LMX1A: variants seen among roughly 807,000 people sequenced by gnomAD.
LMX1A encodes LIM homeobox transcription factor 1 alpha, also known as LIM homeobox transcription factor 1-alpha.
Under a neutral mutation model 49.1 loss-of-function variants are expected in LMX1A, and 15 were observed. That is an observed-to-expected ratio of 0.31 (90% CI 0.20 to 0.47). The LOEUF is 0.47. Among genes scored for constraint, LMX1A ranks in the 20% least tolerant of loss-of-function variants. The pLI is 1.00. For synonymous variants in LMX1A, 167 were observed against 185.7 expected (o/e 0.90, Z 0.82); for missense variants, 372 against 475.8 (o/e 0.78, Z 2.03).
intron 3 of LMX1A, among the ~76,000 whole-genome samples, chr1:165,303,251 C>A (rs1253794310): frequency 1.3e-5 from 2 of 152,194 alleles, no homozygotes; most frequent in Non-Finnish European, 2.9e-5. Flanking sequence ...GCTCCTGAAC[C>A]TTAAGGTAAA....
intron 4 of LMX1A, among the ~76,000 whole-genome samples, chr1:165,248,365 T>C (rs528452373): frequency 9.9e-5 from 15 of 152,186 alleles, no homozygotes; most frequent in Admixed American, 3.3e-4. Context: ...GGCTTGGAAA[T>C]GGACTAGAAT....
At chr1:165,305,418 G>A (rs1229618108) in intron 3 of LMX1A, among the ~76,000 whole-genome samples, 3 of 152,198 alleles carry the variant, frequency 2.0e-5, no homozygotes, top group Non-Finnish European at 4.4e-5. Context: ...AAGCAAGCGT[G>A]AGAGGGAACA....
At chr1:165,209,151 C>T (rs1347716799) in intron 6 of LMX1A, among the ~76,000 whole-genome samples, 2 of 152,178 alleles carry the variant, frequency 1.3e-5, no homozygotes, top group Non-Finnish European at 2.9e-5. Context: ...GGCTATAGGG[C>T]CTCTGCAACT....
chr1:165,284,719 A>G (rs905303858), intron 3 of LMX1A, among the ~76,000 whole-genome samples: 1 of 152,252 alleles, frequency 6.6e-6, no homozygotes, highest in Non-Finnish European at 1.5e-5. Context: ...GAGCGCAAGC[A>G]GGTTTGCCAA....
intron 3 of LMX1A, among the ~76,000 whole-genome samples, chr1:165,301,112 A>C (rs574376575): frequency 5.3e-5 from 8 of 152,318 alleles, no homozygotes; most frequent in African/African-American, 1.9e-4. Flanking sequence ...GACCGGCTTA[A>C]CACAATTCCA....
chr1:165,259,997 C>T (rs1250908918), intron 3 of LMX1A, among the ~76,000 whole-genome samples: 1 of 152,204 alleles, frequency 6.6e-6, no homozygotes, highest in Non-Finnish European at 1.5e-5. Context: ...ATTTCAATAA[C>T]TCAAGCCAAG....
intron 4 of LMX1A, among the ~76,000 whole-genome samples, chr1:165,248,204 G>C (rs190276100): frequency 6.6e-6 from 1 of 152,318 alleles, no homozygotes; most frequent in African/African-American, 2.4e-5. Flanking sequence ...AAGAGAGAGG[G>C]AAAGAGGCTG....
intron 3 of LMX1A, among the ~76,000 whole-genome samples, chr1:165,306,273 C>T (rs77652010): frequency 0.023 from 3,433 of 152,290 alleles, 63 homozygotes; most frequent in Non-Finnish European, 0.033. Context: ...TGTTGCCCCT[C>T]CCTTTGGATA....
intron 3 of LMX1A, among the ~76,000 whole-genome samples, chr1:165,326,007 G>T (rs147512028): frequency 1.6e-5 from 1 of 64,414 alleles, no homozygotes; most frequent in African/African-American, 3.8e-5. Context: ...TCCCAGGGGG[G>T]CTCCCCGGCA....
intron 4 of LMX1A, among the ~76,000 whole-genome samples, chr1:165,224,641 G>A (rs1651971476): frequency 6.6e-6 from 1 of 152,148 alleles, no homozygotes; most frequent in African/African-American, 2.4e-5. Flanking sequence ...GAGTGCTCAG[G>A]AGATTAATAA....
intron 4 of LMX1A, among the ~76,000 whole-genome samples, chr1:165,241,129 C>T (rs1255010794): frequency 6.6e-6 from 1 of 152,140 alleles, no homozygotes; most frequent in Non-Finnish European, 1.5e-5. Flanking sequence ...CAGAGAGTGC[C>T]TCTGAGACAC....
chr1:165,260,949 G>A (rs1036489421), intron 3 of LMX1A, among the ~76,000 whole-genome samples: 1 of 152,130 alleles, frequency 6.6e-6, no homozygotes, highest in African/African-American at 2.4e-5. Context: ...AAACATCTTA[G>A]CTCTGAAATA....
At chr1:165,345,707 G>A (rs1365220145) in intron 3 of LMX1A, among the ~76,000 whole-genome samples, 1 of 152,178 alleles carries the variant, frequency 6.6e-6, no homozygotes, top group Non-Finnish European at 1.5e-5. Context: ...CCAACTGAGT[G>A]GTCACATGAC....
At chr1:165,316,298 G>A (rs1037532284) in intron 3 of LMX1A, among the ~76,000 whole-genome samples, 2 of 152,222 alleles carry the variant, frequency 1.3e-5, no homozygotes, top group African/African-American at 4.8e-5. Context: ...CATGCTGAGA[G>A]CTTACCACGG....
At chr1:165,262,846 A>G (rs1350785542) in intron 3 of LMX1A, among the ~76,000 whole-genome samples, 1 of 151,734 alleles carries the variant, frequency 6.6e-6, no homozygotes, top group African/African-American at 2.4e-5. Context: ...AATTACTTCT[A>G]TTTACTATCT....
At chr1:165,264,433 C>G (rs1382079219) in intron 3 of LMX1A, among the ~76,000 whole-genome samples, 2 of 152,130 alleles carry the variant, frequency 1.3e-5, no homozygotes, top group African/African-American at 4.8e-5. Flanking sequence ...CACACACACA[C>G]ACATACATGC....
intron 4 of LMX1A, among the ~76,000 whole-genome samples, chr1:165,219,912 G>T (rs1429997322): frequency 1.3e-5 from 2 of 152,230 alleles, no homozygotes; most frequent in Non-Finnish European, 2.9e-5. Flanking sequence ...GTGCAGAGGA[G>T]TTAAGAGAGG....
At chr1:165,305,777 A>C (rs2101728999) in intron 3 of LMX1A, among the ~76,000 whole-genome samples, 1 of 152,306 alleles carries the variant, frequency 6.6e-6, no homozygotes, top group South Asian at 2.1e-4. Flanking sequence ...CCACATTCAC[A>C]GTTCTTTGAA....
intron 4 of LMX1A, among the ~76,000 whole-genome samples, chr1:165,215,791 T>C (rs959645274): frequency 7.9e-5 from 12 of 152,186 alleles, no homozygotes; most frequent in Non-Finnish European, 1.6e-4. Flanking sequence ...GACCTAGGTT[T>C]CCATCCCAGT....
Sources: allele counts gnomAD v4.1 joint callset (sites outside exome capture counted in the v4.1 genomes callset), GRCh38; gene constraint gnomAD v4.1.1; transcripts MANE v1.5; gene names NCBI Gene and HGNC (gene_info 2026-07-23, HGNC 2026-07-21).